The following BMX variants were observed in gnomAD, a reference collection of about 807,000 sequenced individuals.
The protein encoded by BMX is BMX non-receptor tyrosine kinase.
BMX carries 31 observed loss-of-function variants against 59.2 expected under a neutral mutation model. That is an observed-to-expected ratio of 0.52 (90% CI 0.39 to 0.71). BMX has a LOEUF of 0.71. Among genes scored for constraint, BMX ranks in the 30% least tolerant of loss-of-function variants. BMX has a pLI of 0.00. For synonymous variants in BMX, 185 were observed against 181.0 expected (o/e 1.02, Z -0.18); for missense variants, 474 against 491.7 (o/e 0.96, Z 0.34).
intron 4 of BMX, among the ~76,000 whole-genome samples, chrX:15,513,011 CAG>C (rs1048829865): frequency 8.9e-6 from 1 of 112,091 alleles, no homozygotes. Context: ...CATAAAACTG[CAG>C]AGAGTCCCCA....
chrX:15,518,090 G>A (rs1449259903), intron 6 of BMX, 97 bp downstream of exon 6: 1 of 706,933 alleles, frequency 1.4e-6, no homozygotes, highest in East Asian at 3.3e-5. Context: ...AATTCATTTA[G>A]ACTTCTCAGC....
chrX:15,526,711 G>T (rs1051259530), intron 9 of BMX, among the ~76,000 whole-genome samples: 1 of 107,122 alleles, frequency 9.3e-6, no homozygotes, highest in Non-Finnish European at 1.9e-5. Context: ...TCAGCCTCCC[G>T]AGTAGCTAAG....
intron 18 of BMX, 26 bp from the exon 19 acceptor site, chrX:15,556,047 T>C (rs1253858524): frequency 7.7e-6 from 9 of 1,176,329 alleles, no homozygotes; most frequent in South Asian, 1.9e-5. Flanking sequence ...ATCTAAAACA[T>C]TGGGTTTCTT....
At chrX:15,516,329 T>A (rs915709866) in intron 5 of BMX, 98 bp downstream of exon 5, 8 of 1,063,431 alleles carry the variant, frequency 7.5e-6, no homozygotes, top group Non-Finnish European at 1.0e-5. Context: ...GAAAACAAGA[T>A]GTGCCAGATT....
chrX:15,543,035 C>T, intron 15 of BMX, 36 bp from the exon 16 acceptor site: 1 of 1,170,716 alleles, frequency 8.5e-7, no homozygotes, highest in Non-Finnish European at 1.2e-6. Flanking sequence ...TTCTTGGTCA[C>T]TTTCACTACT....
intron 4 of BMX, 99 bp from the exon 5 acceptor site, chrX:15,516,013 T>C (rs1924139124): frequency 6.4e-6 from 7 of 1,097,598 alleles, no homozygotes; most frequent in Non-Finnish European, 8.6e-6. Context: ...GCTGGCCAAA[T>C]GGGGTTTTTA....
At chrX:15,502,765 C>T (rs1021102412) in intron 1 of BMX, among the ~76,000 whole-genome samples, 1 of 112,080 alleles carries the variant, frequency 8.9e-6, no homozygotes, top group African/African-American at 3.2e-5. Flanking sequence ...CTCAGTCAAA[C>T]TTTTTGTTCT....
chrX:15,508,162 C>T (rs893462858), intron 1 of BMX, among the ~76,000 whole-genome samples, 183 bp from the exon 2 acceptor site: 2 of 111,794 alleles, frequency 1.8e-5, no homozygotes. Flanking sequence ...AAACCCAAAG[C>T]AAAGGCAGCA....
chrX:15,551,652 A>G (rs1448347630), intron 18 of BMX, among the ~76,000 whole-genome samples: 1 of 110,738 alleles, frequency 9.0e-6, no homozygotes, highest in African/African-American at 3.3e-5. Flanking sequence ...CGGAGCCTAG[A>G]GTCCCACTTT....
At chrX:15,515,643 T>C (rs1056440942) in intron 4 of BMX, among the ~76,000 whole-genome samples, 1 of 112,142 alleles carries the variant, frequency 8.9e-6, no homozygotes, top group East Asian at 2.8e-4. Context: ...ATTAATCTTA[T>C]TCTTGCAACT....
chrX:15,536,686 T>C (rs1256580133), intron 13 of BMX, among the ~76,000 whole-genome samples: 2 of 110,845 alleles, frequency 1.8e-5, no homozygotes, highest in Non-Finnish European at 3.8e-5. Flanking sequence ...CAGCACACCA[T>C]TGTCTGTCCT....
At chrX:15,520,297 C>T (rs1924382710) in intron 6 of BMX, among the ~76,000 whole-genome samples, 1 of 111,445 alleles carries the variant, frequency 9.0e-6, no homozygotes, top group Admixed American at 9.6e-5. Context: ...AAAGTATGGC[C>T]CTCTAAAACA....
At position 15,509,448 on chromosome X, in the gene BMX, G is replaced by A. The variant is rs201742870; in HGVS notation, c.243+15G>A. The A allele has an allele frequency of 2.0e-5, 22 of 1,093,091 alleles. No homozygotes were observed. Among genetic ancestry groups the A allele is most frequent in the Non-Finnish European group, 2.6e-5 (21 of 798,902 alleles). 90.1% of individuals were successfully genotyped at this position (1,093,091 alleles called of 1,213,427 possible). On this transcript the variant is annotated intron_variant, in intron 3 of 18. Coordinates refer to ENST00000348343, the MANE Select transcript of BMX (RefSeq NM_203281.3). Reference sequence around the variant, plus strand: ...ACCCATTTCAGGTAAAGGGAAGAACGACATTGCATTGGGTGGATAGTTCTT... The same window carrying A: ...ACCCATTTCAGGTAAAGGGAAGAACAACATTGCATTGGGTGGATAGTTCTT...
At chrX:15,521,880 G>A (rs1014719465) in intron 6 of BMX, among the ~76,000 whole-genome samples, 2 of 111,562 alleles carry the variant, frequency 1.8e-5, no homozygotes, top group African/African-American at 3.3e-5. Context: ...GAACATATTC[G>A]GGAGACCATT....
intron 12 of BMX, among the ~76,000 whole-genome samples, chrX:15,536,138 T>C (rs1481346571): frequency 8.9e-6 from 1 of 112,399 alleles, no homozygotes; most frequent in African/African-American, 3.2e-5. Context: ...AAAAATCACA[T>C]ACAGTGTTTT....
chrX:15,508,601 G>T, intron 2 of BMX, 110 bp downstream of exon 2: 1 of 565,625 alleles, frequency 1.8e-6, no homozygotes, highest in Non-Finnish European at 2.7e-6. Flanking sequence ...CTTACACTGT[G>T]AAGATCCTCT....
Position 15,534,331 on chromosome X carries a change from A to T in BMX, c.1139A>T (p.Asn380Ile). ...IPKLIHYHQH[N>I]SAGMITRLRH... is the part of the protein sequence containing the mutation. ...AAGCTTATTCATTATCATCAACACA[A>T]TTCAGCAGGTAACTTATTTTAGTTT... Residue 380 changes from asparagine to isoleucine, a missense_variant, in exon 12 of 19, where the codon AAT (asparagine) becomes ATT (isoleucine). Transcript: ENST00000348343. 3 of 1,163,669 alleles carry T rather than the reference A, an allele frequency of 2.6e-6. No homozygotes were observed.
intron 16 of BMX, among the ~76,000 whole-genome samples, chrX:15,546,460 A>T (rs946853176): frequency 6.2e-5 from 7 of 112,032 alleles, no homozygotes; most frequent in African/African-American, 2.3e-4. Flanking sequence ...TTCAACTTAT[A>T]TATGTGGGAA....
chrX:15,554,040 T>A (rs981867423), intron 18 of BMX, among the ~76,000 whole-genome samples: 2 of 112,561 alleles, frequency 1.8e-5, no homozygotes, highest in Non-Finnish European at 3.8e-5. Flanking sequence ...TTTTGTGACT[T>A]TCTCAATTCA....
Sources: gnomAD v4.1 joint callset for allele counts (sites outside exome capture counted in the v4.1 genomes callset) on GRCh38, gnomAD v4.1.1 for gene constraint, MANE v1.5 for transcripts, NCBI Gene and HGNC (gene_info 2026-07-23, HGNC 2026-07-21) for gene names.